NDE1: variants seen among roughly 807,000 people sequenced by gnomAD.
NDE1 encodes the protein nudE neurodevelopment protein 1.
A neutral mutation model predicts 43.4 loss-of-function variants in NDE1; 28 were observed. The ratio of observed to expected loss-of-function variants is 0.65; its 90% CI spans 0.48 to 0.89. The LOEUF (loss-of-function observed/expected upper bound fraction) is 0.89. NDE1 is among the 40% of genes least tolerant of loss of function. The pLI is 0.00. For synonymous variants in NDE1, 184 were observed against 172.0 expected, an observed-to-expected ratio of 1.07 and a Z score of -0.55; for missense variants, 441 against 434.1, an observed-to-expected ratio of 1.02 and a Z score of -0.14.
intron 5 of NDE1, among the ~76,000 whole-genome samples, chr16:15,688,482 A>G (rs893837086): frequency 6.6e-6 from 1 of 151,412 alleles, no homozygotes; most frequent in Non-Finnish European, 1.5e-5. Context: ...TAAAAATAGA[A>G]AACATGAGGG....
chr16:15,674,329 C>T (rs548515358), intron 3 of NDE1, among the ~76,000 whole-genome samples: 1 of 152,100 alleles, frequency 6.6e-6, no homozygotes, highest in Non-Finnish European at 1.5e-5. Flanking sequence ...CTGCAACCTC[C>T]GCCTCCTGGG....
At chr16:15,651,859 C>G (rs1055967999) in intron 1 of NDE1, 10 of 152,170 alleles carry the variant, frequency 6.6e-5, no homozygotes, top group African/African-American at 2.4e-4. Flanking sequence ...TGTTGGATAA[C>G]AGTTTATTAA....
chr16:15,661,079 A>G (rs1398518696), intron 1 of NDE1, among the ~76,000 whole-genome samples: 1 of 152,020 alleles, frequency 6.6e-6, no homozygotes, highest in Non-Finnish European at 1.5e-5. Flanking sequence ...TGTGTCATGG[A>G]CATGTCAAGC....
chr16:15,714,773 G>A, intron 8 of NDE1: 1 of 1,131,684 alleles, frequency 8.8e-7, no homozygotes, highest in Non-Finnish European at 1.3e-6. Context: ...AGTGATTAAG[G>A]AGAAGCAGGA....
At chr16:15,647,797 G>GA (rs2036360433), upstream of NDE1, among the ~76,000 whole-genome samples, 1 of 152,088 alleles carries the variant, frequency 6.6e-6, no homozygotes, top group Non-Finnish European at 1.5e-5. Context: ...GAGGGAGGCT[G>GA]AGGCAGGAGG....
At chr16:15,685,056 G>A (rs1164098394) in intron 4 of NDE1, among the ~76,000 whole-genome samples, 1 of 152,168 alleles carries the variant, frequency 6.6e-6, no homozygotes. Flanking sequence ...AGTTTAACTT[G>A]TGGAGAATTA....
At chr16:15,697,860 G>T (rs1237811369) in intron 8 of NDE1, among the ~76,000 whole-genome samples, 1 of 150,878 alleles carries the variant, frequency 6.6e-6, no homozygotes, top group African/African-American at 2.4e-5. Context: ...AGGCTGGAGT[G>T]TAGTGGCATG....
In NDE1 at chr16:15,706,310, CAGAA is replaced by C. The variant is rs558643613; in HGVS notation, c.947+9451_947+9454del. On this transcript the variant is annotated intron_variant, in intron 8 of 8. Coordinates refer to ENST00000396354, the MANE Select transcript of NDE1 (RefSeq NM_017668.3). ...AGCACTGTTTTCCAAGCGCTTGACTCAGAAGGATGCTCAAATTCAGCGCAGAGGA... is the reference window on the plus strand; with the variant it reads ...AGCACTGTTTTCCAAGCGCTTGACTCGGATGCTCAAATTCAGCGCAGAGGA... 1.4e-3 allele frequency among the ~76,000 whole-genome samples: 212 copies of C among 152,254 alleles called. 1 individual carries two copies. Among genetic ancestry groups the C allele is most frequent in the South Asian group, 2.5e-3 (12 of 4,824 alleles).
intron 1 of NDE1, among the ~76,000 whole-genome samples, chr16:15,657,922 T>G (rs1391306694): frequency 6.6e-6 from 1 of 152,190 alleles, no homozygotes; most frequent in Non-Finnish European, 1.5e-5. Context: ...CTTTTGACTT[T>G]GAGCAAGTAA....
intron 8 of NDE1, among the ~76,000 whole-genome samples, chr16:15,709,048 T>C: frequency 6.6e-6 from 1 of 152,008 alleles, no homozygotes; most frequent in East Asian, 1.9e-4. Flanking sequence ...ATTCAAGTGA[T>C]CCCCTTGTCT....
intron 1 of NDE1, among the ~76,000 whole-genome samples, chr16:15,656,372 C>T (rs908443350): frequency 6.6e-6 from 1 of 152,098 alleles, no homozygotes; most frequent in Non-Finnish European, 1.5e-5. Flanking sequence ...AAATCCAAAA[C>T]CAGATCCCTC....
chr16:15,645,774 C>T (rs956271563), upstream of NDE1, among the ~76,000 whole-genome samples: 4 of 152,122 alleles, frequency 2.6e-5, no homozygotes, highest in African/African-American at 9.7e-5. Context: ...GTATGAAAAC[C>T]GAAAGACTTT....
At position 15,714,953 on chromosome 16, in the gene NDE1, G is replaced by C. The variant is rs146391904; in HGVS notation, c.948-9238G>C. 1.2e-6 allele frequency: 2 copies of C among 1,614,100 alleles called. No homozygotes were observed. The highest frequency in any genetic ancestry group is 1.7e-6 in the Non-Finnish European group (2 of 1,180,044). ...CGTTCACCTCGCGGCCCATGGCCTC[G>C]TTGCTCTCCGTGGCCTCATCCAGCT... is the stretch of plus-strand genomic sequence containing the variant. On this transcript the variant is annotated intron_variant, in intron 8 of 8. Coordinates refer to ENST00000396354, the MANE Select transcript of NDE1 (RefSeq NM_017668.3).
intron 7 of NDE1, chr16:15,694,844 T>G (rs776123110): frequency 2.0e-6 from 2 of 985,226 alleles, no homozygotes; most frequent in Non-Finnish European, 2.4e-6. Context: ...ATATGTGTGT[T>G]TTTTCCTTAA....
chr16:15,700,896 A>C (rs1350421440), intron 8 of NDE1, among the ~76,000 whole-genome samples: 3 of 152,132 alleles, frequency 2.0e-5, no homozygotes, highest in African/African-American at 7.2e-5. Flanking sequence ...TGGTGTACTG[A>C]AATCATGTCT....
intron 4 of NDE1, among the ~76,000 whole-genome samples, chr16:15,686,169 C>T (rs2038427044): frequency 6.6e-6 from 1 of 152,096 alleles, no homozygotes; most frequent in African/African-American, 2.4e-5. Context: ...CCAGGCTGGT[C>T]TCGAACTCCT....
intron 8 of NDE1, among the ~76,000 whole-genome samples, chr16:15,722,792 G>C (rs1460532365): frequency 3.3e-5 from 5 of 152,176 alleles, no homozygotes; most frequent in Non-Finnish European, 7.3e-5. Flanking sequence ...TCAGGCTGGG[G>C]TGTAGTGGCG....
chr16:15,719,294 A>G lies in NDE1; in HGVS notation c.948-4897A>G, dbSNP rs778782812. On this transcript the variant is annotated intron_variant, in intron 8 of 8. Transcript: ENST00000396354. The stretch of plus-strand genomic sequence containing the variant: ...GGTCCGCTTGTTTGCGAGCCCTCTC[A>G]GCGGCGGCGAGGTCCTAGGTGGGAG... 6.2e-7 allele frequency: 1 copy of G among 1,611,678 alleles called. No homozygotes were observed. The highest frequency in any genetic ancestry group is 8.5e-7 in the Non-Finnish European group (1 of 1,179,982).
At position 15,664,954 on chromosome 16, in the gene NDE1, G is replaced by A. The variant is rs2037228578; in HGVS notation, c.83+93G>A. 4.0e-6 allele frequency: 4 copies of A among 1,002,612 alleles called. No homozygotes were observed. In the African/African-American group the frequency reaches 6.5e-5, roughly 16 times the overall value. The allele number at this position is 1,002,612 out of a possible 1,614,324, so 62.1% of individuals were successfully genotyped here. On this transcript the variant is annotated intron_variant, in intron 2 of 8. Transcript: ENST00000396354. ...AGGCTGAGTGCGGTGGCTGTTCCTA[G>A]GCGTGATCATAGTGCACAGCCGCCT...
Sources: gnomAD v4.1 joint callset for allele counts (sites outside exome capture counted in the v4.1 genomes callset) on GRCh38, gnomAD v4.1.1 for gene constraint, MANE v1.5 for transcripts, NCBI Gene and HGNC (gene_info 2026-07-23, HGNC 2026-07-21) for gene names.